Variants in GINM1 observed in about 807,000 individuals in gnomAD.
GINM1 encodes glycosylated integral membrane protein 1, also known as glycoprotein integral membrane protein 1.
A neutral mutation model predicts 37.8 loss-of-function variants in GINM1; 29 were observed. That is an observed-to-expected ratio of 0.77 (90% CI 0.57 to 1.05). GINM1 has a LOEUF of 1.05. GINM1 is among the 50% of genes least tolerant of loss of function. GINM1 has a pLI of 0.00. For missense variants in GINM1, 377 were observed against 397.9 expected, an observed-to-expected ratio of 0.95 and a Z score of 0.45; for synonymous variants, 143 against 146.2, an observed-to-expected ratio of 0.98 and a Z score of 0.16.
At chr6:149,581,034 CAT>C (rs1336017443) in intron 6 of GINM1, among the ~76,000 whole-genome samples, 7 of 152,228 alleles carry the variant, frequency 4.6e-5, no homozygotes, top group African/African-American at 1.4e-4. Context: ...CGCATACACA[CAT>C]ATGCATTGTG....
chr6:149,572,424 CATTT>C (rs1262832258), intron 2 of GINM1, 79 bp from the exon 3 acceptor site: 36 of 1,259,370 alleles, frequency 2.9e-5, no homozygotes, highest in African/African-American at 4.5e-5. Context: ...TTGCACGTCT[CATTT>C]AGTTAATCTT....
At chr6:149,581,041 A>G (rs867981839) in intron 6 of GINM1, among the ~76,000 whole-genome samples, 1 of 152,160 alleles carries the variant, frequency 6.6e-6, no homozygotes, top group South Asian at 2.1e-4. Flanking sequence ...ACACATATGC[A>G]TTGTGCCCCC....
At position 149,572,295 on chromosome 6, in the gene GINM1, G is replaced by C; in HGVS notation, c.131G>C (p.Arg44Thr). The C allele has an allele frequency of 2.5e-6, 4 of 1,596,270 alleles. No individual in the cohort carries two copies. The highest frequency in any genetic ancestry group is 2.6e-6 in the Non-Finnish European group (3 of 1,171,300). ...PLSGAPQDGI[R>T]INVTTLKDDG... ...ATACTTGTTTTACAGGACGGCATCA[G>C]AATTAATGTAACTACACTGAAAGAT... The change falls in exon 2 of 8, where the codon AGA becomes ACA. Residue 44 changes from arginine to threonine, a missense_variant. Coordinates refer to ENST00000367419, the MANE Select transcript of GINM1 (RefSeq NM_138785.5).
intron 3 of GINM1, chr6:149,578,169 CT>C (rs1777942242): frequency 6.6e-6 from 1 of 152,218 alleles, no homozygotes; most frequent in Admixed American, 6.5e-5. Flanking sequence ...TTGGCTGTAT[CT>C]TCTGGCTGGC....
In GINM1 at chr6:149,572,344, G is replaced by C. The variant is rs1562270336; in HGVS notation, c.180G>C (p.Gln60His). The change falls in exon 2 of 8, where the codon CAG becomes CAC. Residue 60 changes from glutamine to histidine, a missense_variant and splice_region_variant. Transcript: ENST00000367419. ...LKDDGDISKQ[Q>H]VVLNITYESG... ...ATGATGGGGACATATCTAAACAGCA[G>C]GTTTGTCTCCTTTTCTGGTTTTAAT... 6.3e-7 allele frequency: 1 copy of C among 1,585,044 alleles called. No individual in the cohort carries two copies. The highest frequency in any genetic ancestry group is 8.6e-7 in the Non-Finnish European group (1 of 1,163,446).
intron 5 of GINM1, among the ~76,000 whole-genome samples, 189 bp downstream of exon 5, chr6:149,580,179 A>C (rs1777978466): frequency 6.6e-6 from 1 of 152,178 alleles, no homozygotes; most frequent in Non-Finnish European, 1.5e-5. Context: ...TCATATGTCC[A>C]TTTAAGGACT....
At position 149,566,641 on chromosome 6, in the gene GINM1, G is replaced by A. The variant is rs1777722545; in HGVS notation, c.120+107G>A. On this transcript the variant is annotated intron_variant, in intron 1 of 7. Coordinates refer to ENST00000367419, the MANE Select transcript of GINM1 (RefSeq NM_138785.5). This position sits in a 1 kb window ranked among gnomAD's most constrained non-coding sequence, Gnocchi z 4.4. ...CATCCCACCGGCGGGCAGGGGCGGG[G>A]GTCCGGGCCCCCGAAGGAGGTGTGG... The A allele has an allele frequency of 6.7e-6, 9 of 1,344,678 alleles. No individual in the cohort carries two copies. The South Asian group carries it at 1.5e-4, about 22-fold the overall frequency. 83.3% of individuals were successfully genotyped at this position (1,344,678 alleles called of 1,614,324 possible).
intron 5 of GINM1, 71 bp from the exon 6 acceptor site, chr6:149,580,521 TG>T (rs1562272357): frequency 2.3e-5 from 31 of 1,329,190 alleles, no homozygotes; most frequent in Non-Finnish European, 3.2e-5. Context: ...TAAATGCTAT[TG>T]GTATCGTAAT....
At chr6:149,586,237 G>C (rs891571755) in intron 7 of GINM1, among the ~76,000 whole-genome samples, 1 of 152,148 alleles carries the variant, frequency 6.6e-6, no homozygotes, top group Admixed American at 6.5e-5. Flanking sequence ...CAGCAGCTTC[G>C]CAAGGCAAAG....
chr6:149,584,939 G>T (rs1406047857), intron 7 of GINM1, among the ~76,000 whole-genome samples: 1 of 152,060 alleles, frequency 6.6e-6, no homozygotes, highest in Non-Finnish European at 1.5e-5. Flanking sequence ...AGGATTACAG[G>T]TGTGAACCAC....
chr6:149,587,892 C>T (rs1778097178), intron 7 of GINM1, among the ~76,000 whole-genome samples: 1 of 152,188 alleles, frequency 6.6e-6, no homozygotes. Context: ...ATCCCCCAGC[C>T]ATCAGTCATC....
intron 3 of GINM1, among the ~76,000 whole-genome samples, chr6:149,574,669 C>T (rs1777887622): frequency 6.6e-6 from 1 of 152,092 alleles, no homozygotes; most frequent in African/African-American, 2.4e-5. Context: ...GCTGGAGGAT[C>T]ACTTCAGTCT....
chr6:149,589,419 T>G (rs1436449028), intron 7 of GINM1, among the ~76,000 whole-genome samples: 1 of 151,736 alleles, frequency 6.6e-6, no homozygotes. Flanking sequence ...ATTACAGGCG[T>G]GCACCACCAC....
chr6:149,570,220 A>G (rs1404341237), intron 1 of GINM1, among the ~76,000 whole-genome samples: 3 of 130,300 alleles, frequency 2.3e-5, no homozygotes, highest in Non-Finnish European at 4.8e-5. Context: ...CTTGCTAACA[A>G]TATAGTGTTC....
chr6:149,572,309 A>C lies in GINM1; in HGVS notation c.145A>C (p.Thr49Pro). The C allele has an allele frequency of 6.2e-7, 1 of 1,600,446 alleles. No homozygotes were observed. The highest frequency in any genetic ancestry group is 8.5e-7 in the Non-Finnish European group (1 of 1,173,840). The change falls in exon 2 of 8, where the codon ACA becomes CCA. Residue 49 changes from threonine to proline, a missense_variant. Thr to Pro is a conservative substitution (Grantham distance 38). Transcript: ENST00000367419. ...PQDGIRINVT[T>P]LKDDGDISKQ... ...GGACGGCATCAGAATTAATGTAACT[A>C]CACTGAAAGATGATGGGGACATATC...
chr6:149,577,310 A>G (rs1777928165), intron 3 of GINM1: 1 of 152,306 alleles, frequency 6.6e-6, no homozygotes, highest in Non-Finnish European at 1.5e-5. Context: ...TCCACGAAGG[A>G]GACCCACGGG....
Position 149,586,298 on chromosome 6 carries a change from G to C in GINM1, c.881+3695G>C, listed in dbSNP as rs963492597. On this transcript the variant is annotated intron_variant, in intron 7 of 7. Transcript: ENST00000367419. ...AAAGAAGCAAGAGGAACAGCAGGGG[G>C]GTGTCAGGCTCTTTTTAACAACCAG... is the stretch of plus-strand genomic sequence containing the variant. 7.9e-5 allele frequency among the ~76,000 whole-genome samples: 12 copies of C among 152,198 alleles called. No individual in the cohort carries two copies. The East Asian group carries it at 1.5e-3, about 20-fold the overall frequency.
chr6:149,577,274 G>A (rs916576733), intron 3 of GINM1: 21 of 152,322 alleles, frequency 1.4e-4, no homozygotes, highest in African/African-American at 4.6e-4. Context: ...TTGGGCTTAC[G>A]GACATGCTGA....
At chr6:149,573,677 G>C (rs899634540) in intron 3 of GINM1, among the ~76,000 whole-genome samples, 3 of 151,952 alleles carry the variant, frequency 2.0e-5, no homozygotes, top group African/African-American at 7.3e-5. Context: ...GACCAGCCCG[G>C]GCAACATGGT....
Sources: gnomAD v4.1 joint callset for allele counts (sites outside exome capture counted in the v4.1 genomes callset) on GRCh38, gnomAD v4.1.1 for gene constraint, Gnocchi (gnomAD v3.1) non-coding constraint, MANE v1.5 for transcripts, NCBI Gene and HGNC (gene_info 2026-07-23, HGNC 2026-07-21) for gene names.